Variants in PCCA observed in about 807,000 individuals in gnomAD.
PCCA encodes propionyl-CoA carboxylase subunit alpha.
PCCA carries 74 observed loss-of-function variants against 101.3 expected under a neutral mutation model. That is an observed-to-expected ratio of 0.73 (90% confidence interval 0.61 to 0.89). The LOEUF (loss-of-function observed/expected upper bound fraction) is 0.89, where lower values mean the gene tolerates loss of function less well. PCCA is among the 40% of genes least tolerant of loss of function. The pLI, the probability that PCCA is intolerant of heterozygous loss-of-function variation, is 0.00. For missense variants in PCCA, 891 were observed against 907.0 expected (o/e 0.98, Z 0.23); for synonymous variants, 294 against 313.6 (o/e 0.94, Z 0.66).
chr13:100,527,844 C>T (rs990101686), intron 23 of PCCA, 92 bp downstream of exon 23: 2 of 924,568 alleles, frequency 2.2e-6, no homozygotes, highest in Non-Finnish European at 3.6e-6. Context: ...GAAAGGGCCA[C>T]AGAGGCGCCC....
chr13:100,391,355 T>C (rs1209411826), intron 19 of PCCA, among the ~76,000 whole-genome samples: 2 of 152,124 alleles, frequency 1.3e-5, no homozygotes, highest in Non-Finnish European at 2.9e-5. Flanking sequence ...TGATGGCTGC[T>C]GTGGGGGAAG....
intron 19 of PCCA, among the ~76,000 whole-genome samples, chr13:100,405,634 G>A (rs1248033472): frequency 6.6e-6 from 1 of 152,126 alleles, no homozygotes; most frequent in African/African-American, 2.4e-5. Context: ...ATTCCACAAG[G>A]AATCTCAGAT....
At position 100,434,118 on chromosome 13, in the gene PCCA, G is replaced by A. The variant is rs141427186; in HGVS notation, c.1845+8387G>A. 2.6e-5 allele frequency among the ~76,000 whole-genome samples: 4 copies of A among 152,240 alleles called. No homozygotes were observed. In the East Asian group the frequency reaches 7.7e-4, roughly 29 times the overall value. On this transcript the variant is annotated intron_variant, in intron 20 of 23. Transcript: ENST00000376285. ...TGGGACAAGACCCATCTGGGATGAC[G>A]GTCTTATGACCTGCTACTGTTGTAG...
intron 6 of PCCA, among the ~76,000 whole-genome samples, chr13:100,179,091 A>ATAT (rs1491576425): frequency 9.0e-6 from 1 of 110,528 alleles, no homozygotes; most frequent in Non-Finnish European, 1.7e-5. Flanking sequence ...AAAAAAAAAA[A>ATAT]ATATATATAT....
At chr13:100,189,329 A>C (rs961975398) in intron 6 of PCCA, among the ~76,000 whole-genome samples, 2 of 152,340 alleles carry the variant, frequency 1.3e-5, no homozygotes. Context: ...TGCTACTGTG[A>C]ATAGTGCCGT....
At chr13:100,318,518 T>C (rs981700692) in intron 16 of PCCA, among the ~76,000 whole-genome samples, 2 of 134,412 alleles carry the variant, frequency 1.5e-5, no homozygotes, top group Non-Finnish European at 3.1e-5. Flanking sequence ...TGTGTGATGT[T>C]CCCCTTCCTG....
intron 9 of PCCA, 49 bp downstream of exon 9, chr13:100,257,722 A>G: frequency 1.5e-6 from 2 of 1,330,772 alleles, no homozygotes. Context: ...CAGTTACCAG[A>G]GTTTTATTAA....
At chr13:100,509,826 T>TTTTTTTGTTTTG (rs142898031) in intron 21 of PCCA, among the ~76,000 whole-genome samples, 2 of 149,568 alleles carry the variant, frequency 1.3e-5, no homozygotes, top group African/African-American at 2.5e-5. Flanking sequence ...TTTTGTGTTT[T>TTTTTTTGTTTTG]TTTTGTTTTG....
rs3223372 is a variant in PCCA, at chr13:100,244,929, CTGTGTGTGTG to C, written c.637+9078_637+9087del. On this transcript the variant is annotated intron_variant, in intron 8 of 23. Transcript: ENST00000376285. The stretch of plus-strand genomic sequence containing the variant: ...ATGTGTATGACAGACTGAGGAAAGG[CTGTGTGTGTG>C]TGTGTGTGTGTGTGTGTGTGTGTGT... Among the ~76,000 whole-genome samples the C allele has an allele frequency of 5.6e-4, 80 of 141,600 alleles. 1 individual carries two copies. Among genetic ancestry groups the C allele is most frequent in the African/African-American group, 2.0e-3 (73 of 37,190 alleles). 92.9% of individuals were successfully genotyped at this position (141,600 alleles called of 152,430 possible). A position where few individuals can be genotyped will look rare whatever the true frequency, so the allele number is the denominator to read the frequency against.
At position 100,388,474 on chromosome 13, in the gene PCCA, A is replaced by C. The variant is rs1178645254; in HGVS notation, c.1746+19900A>C. On this transcript the variant is annotated intron_variant, in intron 19 of 23. Transcript: ENST00000376285. ...GTGAGACCCCATCTCAAAACAAACA[A>C]ACAAAAAATGTAAAACTCACAAATT... Among the ~76,000 whole-genome samples the C allele has an allele frequency of 2.0e-5, 3 of 152,302 alleles. No homozygotes were observed. The East Asian group carries it at 5.8e-4, about 29-fold the overall frequency.
chr13:100,428,335 C>T (rs1216919603), intron 20 of PCCA, among the ~76,000 whole-genome samples: 1 of 132,088 alleles, frequency 7.6e-6, no homozygotes, highest in Non-Finnish European at 1.6e-5. Flanking sequence ...CCCCCCCTAC[C>T]CCCCACCCCC....
At chr13:100,292,479 T>C (rs957292120) in intron 12 of PCCA, among the ~76,000 whole-genome samples, 2 of 152,250 alleles carry the variant, frequency 1.3e-5, no homozygotes, top group African/African-American at 4.8e-5. Flanking sequence ...AAATTCAAAA[T>C]AGTACCTGGT....
chr13:100,132,252 T>C (rs992191247), intron 4 of PCCA, among the ~76,000 whole-genome samples: 1 of 13,222 alleles, frequency 7.6e-5, no homozygotes, highest in South Asian at 3.3e-3. Flanking sequence ...ACTAGCACAA[T>C]CAGAATGCAG....
At chr13:100,222,076 C>T (rs1486068479) in intron 7 of PCCA, among the ~76,000 whole-genome samples, 1 of 151,684 alleles carries the variant, frequency 6.6e-6, no homozygotes, top group African/African-American at 2.4e-5. Flanking sequence ...GAGTCTCACT[C>T]TGTTGCCCAG....
chr13:100,530,144 A>G lies in PCCA; in HGVS notation c.2165A>G (p.Asp722Gly), dbSNP rs1283571787. The G allele has an allele frequency of 3.1e-6, 5 of 1,613,958 alleles. No homozygotes were observed. Among genetic ancestry groups the G allele is most frequent in the Non-Finnish European group, 4.2e-6 (5 of 1,179,858 alleles). The change falls in exon 24 of 24, where the codon GAT becomes GGT. Residue 722 changes from aspartate to glycine, a missense_variant. Transcript: ENST00000376285. ...GCTGGAGACACAGTTGGAGAAGGGGATCTGCTCGTGGAGCTGGAATGAAGG... is the reference window on the plus strand; with the variant it reads ...GCTGGAGACACAGTTGGAGAAGGGGGTCTGCTCGTGGAGCTGGAATGAAGG... ...CQAGDTVGEG[D>G]LLVELE
chr13:100,326,712 A>T (rs999590057), intron 16 of PCCA, among the ~76,000 whole-genome samples: 1 of 151,992 alleles, frequency 6.6e-6, no homozygotes, highest in Non-Finnish European at 1.5e-5. Flanking sequence ...CAACCTGAAG[A>T]GGAGGAGGAA....
rs986692264 is a variant in PCCA, at chr13:100,156,157, C to T, written c.414+1065C>T. Among the ~76,000 whole-genome samples, 7 of 152,150 alleles carry T rather than the reference C, an allele frequency of 4.6e-5. No individual in the cohort carries two copies. In the South Asian group the frequency reaches 1.5e-3, roughly 32 times the overall value. ...ATCTTGGCTCACTGCAACCTCTGTC[C>T]CGCCAGGTTCAAGCGATTCTCTTGC... On this transcript the variant is annotated intron_variant, in intron 5 of 23. Transcript: ENST00000376285.
chr13:100,156,313 C>T (rs1471086523), intron 5 of PCCA, among the ~76,000 whole-genome samples: 4 of 152,192 alleles, frequency 2.6e-5, no homozygotes, highest in East Asian at 3.8e-4. Context: ...GGTGATCTGC[C>T]TGCCTCAGCC....
chr13:100,185,716 C>T (rs989927444), intron 6 of PCCA, among the ~76,000 whole-genome samples: 2 of 150,242 alleles, frequency 1.3e-5, no homozygotes, highest in Non-Finnish European at 3.0e-5. Flanking sequence ...GGTGCGATCT[C>T]GGCTCACCGC....
Sources: gnomAD v4.1 joint callset for allele counts (sites outside exome capture counted in the v4.1 genomes callset) on GRCh38, gnomAD v4.1.1 for gene constraint, MANE v1.5 for transcripts, NCBI Gene and HGNC (gene_info 2026-07-23, HGNC 2026-07-21) for gene names.